CLIP4: variants seen among roughly 807,000 people sequenced by gnomAD.
CLIP4 encodes the protein CAP-Gly domain-containing linker protein 4.
A neutral mutation model predicts 73.1 loss-of-function variants in CLIP4; 47 were observed. That is an observed-to-expected ratio of 0.64 (90% CI 0.51 to 0.82). The LOEUF (loss-of-function observed/expected upper bound fraction) is 0.82. CLIP4 is among the 40% of genes least tolerant of loss of function. The pLI is 0.00. For missense variants in CLIP4, 874 were observed against 852.9 expected (o/e 1.02, Z -0.31); for synonymous variants, 306 against 295.4 (o/e 1.04, Z -0.37).
chr2:29,118,822 G>A (rs1664056319), intron 1 of CLIP4, among the ~76,000 whole-genome samples: 1 of 151,952 alleles, frequency 6.6e-6, no homozygotes, highest in African/African-American at 2.4e-5. Context: ...GCCTGGCAGG[G>A]CCAATATATA....
Position 29,160,367 on chromosome 2 carries a change from T to C in CLIP4, c.1434T>C (p.Asn478=). The C allele has an allele frequency of 1.2e-6, 2 of 1,614,090 alleles. No homozygotes were observed. Among genetic ancestry groups the C allele is most frequent in the Non-Finnish European group, 1.7e-6 (2 of 1,179,976 alleles). Residue 478 remains asparagine (N), a synonymous_variant, in exon 12 of 16, where the codon AAT becomes AAC. Coordinates refer to ENST00000320081, the MANE Select transcript of CLIP4 (RefSeq NM_024692.6). ...LNSSATSTAN[N]SRCEGELRLG... is the part of the protein sequence containing the mutation. Reference sequence around the variant, plus strand: ...CCTCAGCAACATCTACAGCAAATAATAGCCGTTGCGAGGGGGAACTCCGCC... The same window carrying C: ...CCTCAGCAACATCTACAGCAAATAACAGCCGTTGCGAGGGGGAACTCCGCC...
chr2:29,153,470 A>G lies in CLIP4; in HGVS notation c.1165+642A>G, dbSNP rs184241626. Reference sequence around the variant, plus strand: ...CATATCCTGTCTCTAGTTCACTTTAATCTCCTCATTCCCTAACTTTGTATG... The same window carrying G: ...CATATCCTGTCTCTAGTTCACTTTAGTCTCCTCATTCCCTAACTTTGTATG... On this transcript the variant is annotated intron_variant, in intron 9 of 15. Transcript: ENST00000320081. Among the ~76,000 whole-genome samples, 733 of 151,098 alleles carry G rather than the reference A, an allele frequency of 4.9e-3. 4 individuals are homozygous for G. The highest frequency in any genetic ancestry group is 0.016 in the African/African-American group (663 of 41,366).
intron 1 of CLIP4, chr2:29,118,502 A>G (rs1183917377): frequency 6.6e-6 from 1 of 151,622 alleles, no homozygotes; most frequent in Non-Finnish European, 1.5e-5. Flanking sequence ...TTCTGTAGAC[A>G]GTTGATTAGT....
At chr2:29,159,145 A>C (rs965012414) in intron 11 of CLIP4, among the ~76,000 whole-genome samples, 19 of 152,224 alleles carry the variant, frequency 1.2e-4, no homozygotes, top group African/African-American at 4.1e-4. Flanking sequence ...ATGAAGTGCT[A>C]TAGAATATTG....
chr2:29,107,360 T>A (rs1003078189), intron 1 of CLIP4, among the ~76,000 whole-genome samples: 2 of 69,668 alleles, frequency 2.9e-5, no homozygotes, highest in African/African-American at 8.0e-5. Context: ...ACATGATAGT[T>A]TTTTTTTTTT....
At chr2:29,174,626 A>G (rs1558585761) in intron 15 of CLIP4, 181 bp downstream of exon 15, 1 of 1,346,058 alleles carries the variant, frequency 7.4e-7, no homozygotes, top group African/African-American at 1.5e-5. Flanking sequence ...AGCGCAATTA[A>G]AAATGTCACC....
intron 1 of CLIP4, among the ~76,000 whole-genome samples, chr2:29,102,545 ACAT>A (rs943421157): frequency 5.3e-5 from 8 of 151,844 alleles, no homozygotes; most frequent in African/African-American, 1.7e-4. Context: ...TGCGTTCAAA[ACAT>A]CAGAGGCAGC....
At chr2:29,106,347 T>G (rs2148436758) in intron 1 of CLIP4, among the ~76,000 whole-genome samples, 1 of 152,320 alleles carries the variant, frequency 6.6e-6, no homozygotes, top group African/African-American at 2.4e-5. Flanking sequence ...GTCTTTCCCT[T>G]GAAGACTTTC....
rs751787272 is a variant in CLIP4 at position 29,160,301 on chromosome 2, C to T, written c.1400-32C>T. The T allele has an allele frequency of 1.3e-5, 21 of 1,613,544 alleles. No homozygotes were observed. In the Admixed American group the frequency reaches 3.3e-4, roughly 26 times the overall value. On this transcript the variant is annotated intron_variant, in intron 11 of 15. Transcript: ENST00000320081. The stretch of plus-strand genomic sequence containing the variant: ...TTTGTTTTTTCTCCTCTTTTCCTGC[C>T]CTGCCCCTGTATCCCTCCCTGACTT...
chr2:29,171,323 A>G (rs907346989), intron 14 of CLIP4, among the ~76,000 whole-genome samples: 2 of 152,064 alleles, frequency 1.3e-5, no homozygotes, highest in African/African-American at 2.4e-5. Context: ...GTTTTGTTAG[A>G]TTTATACCTA....
chr2:29,142,522 C>G (rs568904393), intron 6 of CLIP4, among the ~76,000 whole-genome samples: 2 of 152,170 alleles, frequency 1.3e-5, no homozygotes, highest in African/African-American at 4.8e-5. Flanking sequence ...TAGTGTAACA[C>G]ATATCTTTAT....
chr2:29,130,995 T>C (rs1664932862), intron 2 of CLIP4: 1 of 1,039,760 alleles, frequency 9.6e-7, no homozygotes, highest in Non-Finnish European at 1.3e-6. Flanking sequence ...GATGTTGAGC[T>C]GGTATTATTT....
intron 8 of CLIP4, among the ~76,000 whole-genome samples, chr2:29,148,385 G>A (rs1253546899): frequency 6.6e-6 from 1 of 152,004 alleles, no homozygotes; most frequent in Non-Finnish European, 1.5e-5. Flanking sequence ...GGCTTATTTT[G>A]TTCTATTGAT....
Position 29,119,958 on chromosome 2 carries a change from A to C in CLIP4, c.-15-1416A>C, listed in dbSNP as rs190693229. 5.8e-4 allele frequency among the ~76,000 whole-genome samples: 88 copies of C among 152,294 alleles called. 1 individual carries two copies. The highest frequency in any genetic ancestry group is 5.6e-3 in the Admixed American group (85 of 15,300). On this transcript the variant is annotated intron_variant, in intron 1 of 15. Coordinates refer to ENST00000320081, the MANE Select transcript of CLIP4 (RefSeq NM_024692.6). ...ACCTAAGAAGCATGGACCATCTGTT[A>C]ACTCATTTTTGTATTTGCTGAAACA...
intron 11 of CLIP4, among the ~76,000 whole-genome samples, chr2:29,159,081 T>A (rs958788395): frequency 1.3e-5 from 2 of 152,230 alleles, no homozygotes; most frequent in Non-Finnish European, 2.9e-5. Context: ...AGTTAATTCC[T>A]GAGTTTGTAT....
At chr2:29,103,427 T>TA in intron 1 of CLIP4, among the ~76,000 whole-genome samples, 1 of 151,824 alleles carries the variant, frequency 6.6e-6, no homozygotes, top group East Asian at 1.9e-4. Context: ...TATTTTATAC[T>TA]TATTAATTAT....
upstream of CLIP4, among the ~76,000 whole-genome samples, chr2:29,112,753 C>G (rs1190241726): frequency 6.6e-6 from 1 of 152,270 alleles, no homozygotes; most frequent in Non-Finnish European, 1.5e-5. Context: ...GCTAGTTGAA[C>G]TCCAATCTGG....
intron 2 of CLIP4, among the ~76,000 whole-genome samples, chr2:29,125,060 A>C (rs998661999): frequency 6.6e-6 from 1 of 152,204 alleles, no homozygotes; most frequent in Admixed American, 6.5e-5. Flanking sequence ...TTACTTGGAA[A>C]TAGTTGGACC....
At chr2:29,121,177 A>C (rs979084482) in intron 1 of CLIP4, among the ~76,000 whole-genome samples, 197 bp from the exon 2 acceptor site, 1 of 152,190 alleles carries the variant, frequency 6.6e-6, no homozygotes, top group Non-Finnish European at 1.5e-5. Context: ...ACCGACTGGT[A>C]TAAGAGGTGG....
Sources: gnomAD v4.1 joint callset for allele counts (sites outside exome capture counted in the v4.1 genomes callset) on GRCh38, gnomAD v4.1.1 for gene constraint, MANE v1.5 for transcripts, NCBI Gene and HGNC (gene_info 2026-07-23, HGNC 2026-07-21) for gene names.